CSMD1: variants seen among roughly 807,000 people sequenced by gnomAD.
CSMD1 encodes CUB and sushi domain-containing protein 1.
In CSMD1, 213 loss-of-function variants were observed where a neutral mutation model predicts 417.5. The ratio of observed to expected loss-of-function variants is 0.51; its 90% CI spans 0.46 to 0.57. The LOEUF (loss-of-function observed/expected upper bound fraction) is 0.57, where lower values mean the gene tolerates loss of function less well. CSMD1 is among the 20% of genes least tolerant of loss of function. CSMD1 has a pLI of 0.00. For missense variants in CSMD1, 6,923 were observed against 4,529.7 expected (o/e 1.53, Z -15.17); for synonymous variants, 2,862 against 1,736.8 (o/e 1.65, Z -16.11).
chr8:4,858,111 T>C (rs1435987435), intron 1 of CSMD1, among the ~76,000 whole-genome samples: 1 of 151,618 alleles, frequency 6.6e-6, no homozygotes, highest in Non-Finnish European at 1.5e-5. Flanking sequence ...TGGTTCAATA[T>C]ACGCAAATCA....
chr8:4,092,029 T>G lies in CSMD1; in HGVS notation c.416-59930A>C, dbSNP rs139386755. On this transcript the variant is annotated intron_variant, in intron 3 of 69. Coordinates refer to ENST00000635120, the MANE Select transcript of CSMD1 (RefSeq NM_033225.6). ...CTTTTACATAATATTACGTAGCACATATCACAGGGAAGGGGGCAATTTTAT... is the reference window on the plus strand; with the variant it reads ...CTTTTACATAATATTACGTAGCACAGATCACAGGGAAGGGGGCAATTTTAT... Among the ~76,000 whole-genome samples, 10 of 152,280 alleles carry G rather than the reference T, an allele frequency of 6.6e-5. 1 individual carries two copies. The East Asian group carries it at 1.9e-3, about 29-fold the overall frequency.
intron 2 of CSMD1, among the ~76,000 whole-genome samples, chr8:4,458,632 C>A (rs1003224918): frequency 1.3e-5 from 2 of 152,112 alleles, no homozygotes; most frequent in Admixed American, 6.5e-5. Context: ...GCAGCAAAAT[C>A]AATGAGAATG....
chr8:3,401,274 T>C (rs1213802105), intron 15 of CSMD1, among the ~76,000 whole-genome samples: 1 of 152,156 alleles, frequency 6.6e-6, no homozygotes, highest in Non-Finnish European at 1.5e-5. Context: ...TATGTGTGAA[T>C]TTCCATATAA....
chr8:4,159,277 A>T (rs1797012435), intron 3 of CSMD1, among the ~76,000 whole-genome samples: 1 of 152,214 alleles, frequency 6.6e-6, no homozygotes, highest in Non-Finnish European at 1.5e-5. Context: ...CATTTAGTGT[A>T]AGTTTAATTT....
At chr8:4,500,124 T>C (rs1308848875) in intron 2 of CSMD1, among the ~76,000 whole-genome samples, 1 of 151,710 alleles carries the variant, frequency 6.6e-6, no homozygotes, top group Non-Finnish European at 1.5e-5. Context: ...GAGAATACAA[T>C]GTCTCTGAAG....
Position 3,818,901 on chromosome 8 carries a change from G to C in CSMD1, c.819-64859C>G, listed in dbSNP as rs1439775661. ...TTCCTTCCTGCAAACTTGAAAGCAA[G>C]ACCACCGCACATGCCCACACTCACT... On this transcript the variant is annotated intron_variant, in intron 5 of 69. Transcript: ENST00000635120. Among the ~76,000 whole-genome samples the C allele has an allele frequency of 3.3e-5, 5 of 152,228 alleles. No homozygotes were observed. The East Asian group carries it at 9.7e-4, about 29-fold the overall frequency.
chr8:3,775,656 G>C (rs1028596596), intron 5 of CSMD1, among the ~76,000 whole-genome samples: 5 of 152,160 alleles, frequency 3.3e-5, no homozygotes, highest in Admixed American at 6.5e-5. Context: ...GTCATAGATT[G>C]TCGGGGAGAG....
chr8:2,992,914 G>A (rs1585109026), intron 54 of CSMD1, among the ~76,000 whole-genome samples: 1 of 151,272 alleles, frequency 6.6e-6, no homozygotes, highest in Admixed American at 6.6e-5. Context: ...GCTAATTTTT[G>A]TAGAGACTGA....
At chr8:4,650,165 G>A (rs1316714223) in intron 1 of CSMD1, among the ~76,000 whole-genome samples, 6 of 151,878 alleles carry the variant, frequency 4.0e-5, no homozygotes, top group Admixed American at 2.0e-4. Context: ...CTAACACGGT[G>A]AAACCCCGTC....
chr8:4,288,052 C>T (rs570057587), intron 3 of CSMD1, among the ~76,000 whole-genome samples: 1 of 152,264 alleles, frequency 6.6e-6, no homozygotes, highest in South Asian at 2.1e-4. Flanking sequence ...AAAGCTAAAA[C>T]AAGGAGGATA....
At chr8:3,943,700 C>T (rs1024162278) in intron 5 of CSMD1, among the ~76,000 whole-genome samples, 4 of 152,022 alleles carry the variant, frequency 2.6e-5, no homozygotes, top group Non-Finnish European at 5.9e-5. Context: ...AGACACAATG[C>T]CAATTCTGGA....
intron 10 of CSMD1, among the ~76,000 whole-genome samples, chr8:3,507,710 G>C (rs888259936): frequency 3.3e-5 from 5 of 152,206 alleles, no homozygotes; most frequent in South Asian, 2.1e-4. Context: ...ACTGGTATGA[G>C]ATGGTATCTC....
intron 41 of CSMD1, among the ~76,000 whole-genome samples, chr8:3,132,942 C>T (rs372991513): frequency 1.3e-5 from 2 of 152,242 alleles, no homozygotes; most frequent in East Asian, 1.9e-4. Flanking sequence ...GACCCTCCTT[C>T]GCCCAGGTCT....
rs1313811998 is a variant in CSMD1, at chr8:2,936,605, GCAGAGAATT to G, written c.*1971_*1979del. The stretch of plus-strand genomic sequence containing the variant: ...GGGCAGGTTGGCCAGGGAAAACTGT[GCAGAGAATT>G]CAGCATAATGATACAGAATCCAACA... On this transcript the variant is annotated 3_prime_UTR_variant, in exon 70 of 70. Coordinates refer to ENST00000635120, the MANE Select transcript of CSMD1 (RefSeq NM_033225.6). 3 of 152,148 alleles carry G rather than the reference GCAGAGAATT, an allele frequency of 2.0e-5. No homozygotes were observed. The highest frequency in any genetic ancestry group is 4.4e-5 in the Non-Finnish European group (3 of 68,054). The allele number at this position is 152,148 out of a possible 1,614,324, so 9.4% of individuals were successfully genotyped here.
intron 5 of CSMD1, among the ~76,000 whole-genome samples, chr8:3,947,023 G>A (rs2129827625): frequency 6.6e-6 from 1 of 152,154 alleles, no homozygotes; most frequent in South Asian, 2.1e-4. Context: ...CTCTATGTCT[G>A]TATTTTTCTT....
At chr8:3,689,145 G>C (rs1056162056) in intron 7 of CSMD1, among the ~76,000 whole-genome samples, 7 of 152,142 alleles carry the variant, frequency 4.6e-5, no homozygotes, top group African/African-American at 1.4e-4. Flanking sequence ...TTTAAGTTGT[G>C]AGACAACGCG....
chr8:4,790,070 C>A (rs1797612151), intron 1 of CSMD1, among the ~76,000 whole-genome samples: 1 of 152,148 alleles, frequency 6.6e-6, no homozygotes, highest in Admixed American at 6.5e-5. Context: ...AGGAGGAAAA[C>A]ATTCGATGAG....
intron 1 of CSMD1, among the ~76,000 whole-genome samples, chr8:4,689,944 C>T (rs760849212): frequency 5.3e-5 from 8 of 152,274 alleles, no homozygotes; most frequent in Non-Finnish European, 1.0e-4. Flanking sequence ...ACTTTCTCCC[C>T]TGCAGGAAGT....
At chr8:4,631,145 G>A (rs1193931229) in intron 2 of CSMD1, among the ~76,000 whole-genome samples, 4 of 152,112 alleles carry the variant, frequency 2.6e-5, no homozygotes, top group Non-Finnish European at 4.4e-5. Context: ...GGTGGATCAC[G>A]AGGTCAGGAG....
Sources: gnomAD v4.1 joint callset for allele counts (sites outside exome capture counted in the v4.1 genomes callset) on GRCh38, gnomAD v4.1.1 for gene constraint, MANE v1.5 for transcripts, NCBI Gene and HGNC (gene_info 2026-07-23, HGNC 2026-07-21) for gene names.